Variants in ATF1 observed in about 807,000 individuals in gnomAD.
ATF1 encodes activating transcription factor 1.
ATF1 carries 16 observed loss-of-function variants against 34.7 expected under a neutral mutation model. The observed-to-expected ratio is 0.46, with a 90% confidence interval of 0.31 to 0.70. The LOEUF is 0.70. Among genes scored for constraint, ATF1 ranks in the 30% least tolerant of loss-of-function variants. The probability of loss-of-function intolerance (pLI) is 0.05; values close to 1 mark genes in which losing one functional copy is unlikely to be tolerated. For missense variants in ATF1, 255 were observed against 321.6 expected (o/e 0.79, Z 1.58); for synonymous variants, 105 against 113.1 (o/e 0.93, Z 0.46).
At chr12:50,776,864 CTTTA>C (rs985288307) in intron 1 of ATF1, among the ~76,000 whole-genome samples, 4 of 151,960 alleles carry the variant, frequency 2.6e-5, no homozygotes, top group African/African-American at 7.3e-5. Context: ...ATTATAAAGC[CTTTA>C]TTTATTTATT....
chr12:50,773,341 A>G (rs1201130274), intron 1 of ATF1, among the ~76,000 whole-genome samples: 16 of 151,806 alleles, frequency 1.1e-4, no homozygotes, highest in Admixed American at 9.2e-4. Flanking sequence ...AAATTGCTGC[A>G]CTGTCTTCCA....
rs149436483 is a variant in ATF1, at chr12:50,798,509, C to T, written c.194+2500C>T. Among the ~76,000 whole-genome samples the T allele has an allele frequency of 2.8e-3, 432 of 152,134 alleles. 2 individuals carry two copies. Among genetic ancestry groups the T allele is most frequent in the Middle Eastern group, 0.01 (3 of 294 alleles). ...ATTTTTTAGTAGAGACGGGGTTTCA[C>T]TGTGTTAGCCATGATGGTCTCAATC... On this transcript the variant is annotated intron_variant, in intron 3 of 6. Transcript: ENST00000262053.
At chr12:50,783,823 T>TAC (rs2139654965) in intron 2 of ATF1, among the ~76,000 whole-genome samples, 1 of 137,768 alleles carries the variant, frequency 7.3e-6, no homozygotes, top group Non-Finnish European at 1.5e-5. Context: ...GCCGAGATCA[T>TAC]ACCACTGTAC....
intron 2 of ATF1, among the ~76,000 whole-genome samples, chr12:50,790,540 C>T (rs562116558): frequency 1.3e-5 from 2 of 152,170 alleles, no homozygotes; most frequent in East Asian, 3.9e-4. Context: ...TATTGGGGTA[C>T]TGTCAAAGAG....
rs530165129 is a variant in ATF1 at position 50,774,544 on chromosome 12, C to T, written c.-6-5596C>T. On this transcript the variant is annotated intron_variant, in intron 1 of 6. Coordinates refer to ENST00000262053, the MANE Select transcript of ATF1 (RefSeq NM_005171.5). ...GCTTACTTTATTTTTACAGAAAATGCATTCGTACATATAAAATTTATTCTG... is the reference window on the plus strand; with the variant it reads ...GCTTACTTTATTTTTACAGAAAATGTATTCGTACATATAAAATTTATTCTG... 3.9e-5 allele frequency among the ~76,000 whole-genome samples: 6 copies of T among 152,190 alleles called. No individual in the cohort carries two copies. The South Asian group carries it at 1.2e-3, about 32-fold the overall frequency.
At chr12:50,800,789 G>C (rs1032789736) in intron 3 of ATF1, among the ~76,000 whole-genome samples, 3 of 152,144 alleles carry the variant, frequency 2.0e-5, no homozygotes, top group Admixed American at 2.0e-4. Flanking sequence ...CAAAAGGGTT[G>C]GGAACTGCTG....
In ATF1 at chr12:50,795,910, TATC is replaced by T. The variant is rs1941398533; in HGVS notation, c.99_101del (p.Ser34del). ...ATGTTAATGCCAGTTCTTTTTTAGG[TATC>T]ATCTTTATCAGAAAGTGAGGAGTCC... On this transcript the variant is annotated inframe_deletion and splice_region_variant, in exon 3 of 7. Transcript: ENST00000262053. 6.2e-7 allele frequency: 1 copy of T among 1,609,888 alleles called. No homozygotes were observed. The highest frequency in any genetic ancestry group is 1.3e-5 in the African/African-American group (1 of 74,698).
At chr12:50,809,712 C>A in intron 4 of ATF1, 123 bp downstream of exon 4, 2 of 1,088,640 alleles carry the variant, frequency 1.8e-6, no homozygotes, top group Non-Finnish European at 2.5e-6. Context: ...TGTTTTCAGC[C>A]AGGAATAATG....
chr12:50,774,904 C>CGCCCA (rs1940876314), intron 1 of ATF1, among the ~76,000 whole-genome samples: 1 of 151,612 alleles, frequency 6.6e-6, no homozygotes, highest in Non-Finnish European at 1.5e-5. Context: ...CCCGCCACCA[C>CGCCCA]GCCCAGCTAA....
At position 50,796,355 on chromosome 12, in the gene ATF1, C is replaced by T. The variant is rs115864795; in HGVS notation, c.194+346C>T. The stretch of plus-strand genomic sequence containing the variant: ...GTTACAATGATCTGTGATTGTGTCA[C>T]TGTGCTCCAGCCTGGGTGATAGAGC... On this transcript the variant is annotated intron_variant, in intron 3 of 6. Transcript: ENST00000262053. Among the ~76,000 whole-genome samples the T allele has an allele frequency of 8.1e-3, 1,240 of 152,318 alleles. 22 individuals carry two copies. Among genetic ancestry groups the T allele is most frequent in the African/African-American group, 0.028 (1,173 of 41,562 alleles).
At chr12:50,802,490 A>G (rs1368260605) in intron 3 of ATF1, among the ~76,000 whole-genome samples, 2 of 152,138 alleles carry the variant, frequency 1.3e-5, no homozygotes, top group Non-Finnish European at 2.9e-5. Flanking sequence ...GTGCCATTGC[A>G]CTCCAGCCTG....
intron 4 of ATF1, among the ~76,000 whole-genome samples, chr12:50,810,620 A>C (rs1417923564): frequency 6.6e-6 from 1 of 152,224 alleles, no homozygotes; most frequent in Non-Finnish European, 1.5e-5. Context: ...TGTGTAGAAT[A>C]GTATAACACC....
At chr12:50,764,519 C>G (rs1158781927) in intron 1 of ATF1, 1 of 152,252 alleles carries the variant, frequency 6.6e-6, no homozygotes, top group Non-Finnish European at 1.5e-5. Context: ...CCCTTCCAGT[C>G]GTGCGTCTCC....
rs71086483 is a variant in ATF1, at chr12:50,790,197, A to ATTT, written c.94-5694_94-5692dup. On this transcript the variant is annotated intron_variant, in intron 2 of 6. Coordinates refer to ENST00000262053, the MANE Select transcript of ATF1 (RefSeq NM_005171.5). Reference sequence around the variant, plus strand: ...TGGACTCTCAAGACTTGTGGGTTCTATTTTTTTTTTTTTTTTTTTTGAGAC... The same window carrying ATTT: ...TGGACTCTCAAGACTTGTGGGTTCTATTTTTTTTTTTTTTTTTTTTTTTGAGAC... Among the ~76,000 whole-genome samples the ATTT allele has an allele frequency of 5.8e-4, 69 of 119,364 alleles. 1 individual carries two copies. The highest frequency in any genetic ancestry group is 1.1e-3 in the South Asian group (4 of 3,668). 78.3% of individuals were successfully genotyped at this position (119,364 alleles called of 152,430 possible). A position where few individuals can be genotyped will look rare whatever the true frequency, so the allele number is the denominator to read the frequency against.
At chr12:50,785,022 T>C (rs962529728) in intron 2 of ATF1, among the ~76,000 whole-genome samples, 1 of 151,598 alleles carries the variant, frequency 6.6e-6, no homozygotes. Context: ...GCATTAGGTA[T>C]ATCTCCTAAT....
At position 50,780,131 on chromosome 12, in the gene ATF1, C is replaced by A; in HGVS notation, c.-6-9C>A. 6.3e-7 allele frequency: 1 copy of A among 1,587,184 alleles called. No homozygotes were observed. Among genetic ancestry groups the A allele is most frequent in the Admixed American group, 1.7e-5 (1 of 59,330 alleles). ...ATTTAATTTTAACGGACTTTTTTCC[C>A]CCTTATAGTTGATTATGGAAGATTC... On this transcript the variant is annotated splice_polypyrimidine_tract_variant and intron_variant, in intron 1 of 6. Coordinates refer to ENST00000262053, the MANE Select transcript of ATF1 (RefSeq NM_005171.5).
intron 3 of ATF1, among the ~76,000 whole-genome samples, chr12:50,796,299 C>T (rs1417427346): frequency 6.6e-6 from 1 of 151,888 alleles, no homozygotes; most frequent in South Asian, 2.1e-4. Flanking sequence ...GAGGCTAAGG[C>T]GGGAAGATGG....
chr12:50,813,061 T>TA (rs1941770027), intron 4 of ATF1, among the ~76,000 whole-genome samples: 3 of 152,212 alleles, frequency 2.0e-5, no homozygotes, highest in Non-Finnish European at 4.4e-5. Context: ...AGGCATTCGA[T>TA]TCTGAAGAGT....
intron 4 of ATF1, among the ~76,000 whole-genome samples, chr12:50,813,559 A>G (rs1416643301): frequency 6.6e-6 from 1 of 152,186 alleles, no homozygotes; most frequent in East Asian, 1.9e-4. Context: ...CATGCCTGTA[A>G]TCCCAGCACT....
Sources: allele counts gnomAD v4.1 joint callset (sites outside exome capture counted in the v4.1 genomes callset), GRCh38; gene constraint gnomAD v4.1.1; transcripts MANE v1.5; gene names NCBI Gene and HGNC (gene_info 2026-07-23, HGNC 2026-07-21).